Variants in ECE1 observed in about 807,000 individuals in gnomAD.
The protein encoded by ECE1 is endothelin converting enzyme 1.
A neutral mutation model predicts 98.6 loss-of-function variants in ECE1; 35 were observed. The observed-to-expected ratio is 0.35, with a 90% CI of 0.27 to 0.47. ECE1 has a LOEUF of 0.47. Among genes scored for constraint, ECE1 ranks in the 20% least tolerant of loss-of-function variants. The probability of loss-of-function intolerance (pLI) is 1.00; values close to 1 mark genes in which losing one functional copy is unlikely to be tolerated. For missense variants in ECE1, 814 were observed against 1,025.3 expected, an observed-to-expected ratio of 0.79 and a Z score of 2.81; for synonymous variants, 394 against 407.1, an observed-to-expected ratio of 0.97 and a Z score of 0.39.
intron 7 of ECE1, among the ~76,000 whole-genome samples, chr1:21,256,480 C>T (rs187471765): frequency 6.6e-6 from 1 of 152,180 alleles, no homozygotes; most frequent in Admixed American, 6.5e-5. Context: ...CACTTGAACC[C>T]AGGAGGAGGA....
chr1:21,323,556 C>G (rs530887677), intron 1 of ECE1, among the ~76,000 whole-genome samples: 1 of 151,816 alleles, frequency 6.6e-6, no homozygotes, highest in Admixed American at 6.6e-5. Context: ...CCTGGGAGTT[C>G]GAGACTGCAA....
rs212527 is a variant in ECE1, at chr1:21,258,521, C to T, written c.762+172G>A. Reference sequence around the variant, plus strand: ...GCAGTGCCCATCTACGCAAGGCCAGCAGCCTGCAAAGATCTCACCAGTGGG... The same window carrying T: ...GCAGTGCCCATCTACGCAAGGCCAGTAGCCTGCAAAGATCTCACCAGTGGG... On this transcript the variant is annotated intron_variant, in intron 6 of 18. Transcript: ENST00000374893. This position sits in a 1 kb window ranked among gnomAD's most constrained non-coding sequence, Gnocchi z 4.2. Among the ~76,000 whole-genome samples, 18,150 of 152,188 alleles carry T rather than the reference C, an allele frequency of 0.12. 1,109 individuals carry two copies. The highest frequency in any genetic ancestry group is 0.18 in the South Asian group (855 of 4,824).
chr1:21,278,735 T>C lies in ECE1; in HGVS notation c.280+456A>G, dbSNP rs567341557. Among the ~76,000 whole-genome samples, 6 of 152,328 alleles carry C rather than the reference T, an allele frequency of 3.9e-5. No homozygotes were observed. The South Asian group carries it at 1.0e-3, about 26-fold the overall frequency. On this transcript the variant is annotated intron_variant, in intron 3 of 18. Transcript: ENST00000374893. Reference sequence around the variant, plus strand: ...ACAGAGGGCATTATTGTTATTTTATTGGAACTAGAGATAGCAGACAATGTC... The same window carrying C: ...ACAGAGGGCATTATTGTTATTTTATCGGAACTAGAGATAGCAGACAATGTC...
chr1:21,243,552 C>G (rs2098199348), intron 10 of ECE1, among the ~76,000 whole-genome samples: 1 of 152,158 alleles, frequency 6.6e-6, no homozygotes, highest in South Asian at 2.1e-4. Flanking sequence ...CTATGAAAGT[C>G]CCTTCACCTC....
chr1:21,290,300 G>A lies in ECE1; in HGVS notation c.51+64C>T, dbSNP rs894291536. On this transcript the variant is annotated intron_variant, in intron 1 of 18. Coordinates refer to ENST00000374893, the MANE Select transcript of ECE1 (RefSeq NM_001397.3). This position sits in a 1 kb window ranked among gnomAD's most constrained non-coding sequence, Gnocchi z 7.3. ...CGAGACCGAGACCGGCCCACGGAGC[G>A]GCCCGCGCGGGGAGGGGTCCCGCCC... 1.6e-5 allele frequency: 20 copies of A among 1,241,760 alleles called. No individual in the cohort carries two copies. The Admixed American group carries it at 5.9e-4, about 37-fold the overall frequency. The allele number at this position is 1,241,760 out of a possible 1,614,324, so 76.9% of individuals were successfully genotyped here. A position where few individuals can be genotyped will look rare whatever the true frequency, so the allele number is the denominator to read the frequency against.
At chr1:21,293,515 C>T (rs1638263172), upstream of ECE1, 1 of 152,052 alleles carries the variant, frequency 6.6e-6, no homozygotes, top group Admixed American at 6.6e-5. Flanking sequence ...CGGAAGCCAC[C>T]CCAGGGACTC....
chr1:21,260,334 C>T lies in ECE1; in HGVS notation c.552G>A (p.Ala184=), dbSNP rs1035873593. 7.4e-6 allele frequency: 12 copies of T among 1,614,138 alleles called. No homozygotes were observed. The highest frequency in any genetic ancestry group is 5.0e-5 in the Admixed American group (3 of 60,014). The change falls in exon 5 of 19, where the codon GCG becomes GCA. Residue 184 remains alanine (A), a synonymous_variant. Coordinates refer to ENST00000374893, the MANE Select transcript of ECE1 (RefSeq NM_001397.3). The surrounding 1 kb of genome is among the most constrained non-coding windows in gnomAD (Gnocchi z 4.3). The part of the protein sequence containing the change: ...AERKAQVYYR[A]CMNETRIEEL... ...CCTCGATCCTGGTCTCGTTCATGCA[C>T]GCACGGTAGTATACTTGCGCCTTTC... is the stretch of plus-strand genomic sequence containing the variant.
At position 21,327,834 on chromosome 1, in the gene ECE1, C is replaced by T. The variant is rs867115332; in HGVS notation, c.3+17542G>A. ...GACATTACCGCCTGAGCTCTGCCTT[C>T]GGTCAGATCAGCGGTGGCATTAGAT... On this transcript the variant is annotated intron_variant, in intron 1 of 18. Transcript: ENST00000415912. This position sits in a 1 kb window ranked among gnomAD's most constrained non-coding sequence, Gnocchi z 4.6. Among the ~76,000 whole-genome samples the T allele has an allele frequency of 6.6e-5, 10 of 152,212 alleles. No homozygotes were observed. The highest frequency in any genetic ancestry group is 1.9e-4 in the East Asian group (1 of 5,180).
chr1:21,302,022 G>C (rs1034522915), intron 1 of ECE1, among the ~76,000 whole-genome samples: 1 of 152,044 alleles, frequency 6.6e-6, no homozygotes, highest in African/African-American at 2.4e-5. Context: ...GGCTCACTAG[G>C]CTCCCCTGAT....
chr1:21,336,704 G>A (rs779730434), intron 1 of ECE1, among the ~76,000 whole-genome samples: 7 of 152,144 alleles, frequency 4.6e-5, no homozygotes, highest in Non-Finnish European at 1.0e-4. Flanking sequence ...TTAGCCAAGC[G>A]TGGTGGCGGG....
Position 21,313,361 on chromosome 1 carries a change from G to C in ECE1, c.4-23205C>G, listed in dbSNP as rs183954186. Among the ~76,000 whole-genome samples the C allele has an allele frequency of 1.4e-4, 22 of 152,318 alleles. No individual in the cohort carries two copies. The East Asian group carries it at 4.0e-3, about 28-fold the overall frequency. ...AAGACACATGTGTCATGCTTGCCTG[G>C]GGGGATGGAGGGAGCCCGGGAGGAA... On this transcript the variant is annotated intron_variant, in intron 1 of 18. Transcript: ENST00000415912.
intron 1 of ECE1, among the ~76,000 whole-genome samples, chr1:21,301,914 G>A (rs759367731): frequency 2.0e-5 from 3 of 149,878 alleles, no homozygotes; most frequent in Non-Finnish European, 4.4e-5. Context: ...CCACAACCCT[G>A]TGTGGTAGGT....
At chr1:21,256,179 C>T (rs554626274) in intron 7 of ECE1, 41 bp from the exon 8 acceptor site, 16 of 1,570,202 alleles carry the variant, frequency 1.0e-5, no homozygotes, top group South Asian at 3.5e-5. Flanking sequence ...GCTGCCCCCC[C>T]ACTATCCACT....
chr1:21,257,295 T>C (rs1485538643), intron 7 of ECE1, among the ~76,000 whole-genome samples: 1 of 152,198 alleles, frequency 6.6e-6, no homozygotes, highest in Non-Finnish European at 1.5e-5. Context: ...TGCCTCTCTC[T>C]AGAACCAGGA....
Position 21,260,186 on chromosome 1 carries a change from T to C in ECE1, c.615+85A>G. The C allele has an allele frequency of 6.3e-7, 1 of 1,595,038 alleles. No homozygotes were observed. The highest frequency in any genetic ancestry group is 8.6e-7 in the Non-Finnish European group (1 of 1,163,504). On this transcript the variant is annotated intron_variant, in intron 5 of 18. Transcript: ENST00000374893. This position sits in a 1 kb window ranked among gnomAD's most constrained non-coding sequence, Gnocchi z 4.3. ...CGGCTGGACGTATGAGGTGGGCCAG[T>C]GGTACCAGAAGGCTGGAGTGGAAGC...
chr1:21,338,388 T>C (rs1389203922), intron 1 of ECE1, among the ~76,000 whole-genome samples: 1 of 152,206 alleles, frequency 6.6e-6, no homozygotes, highest in African/African-American at 2.4e-5. Flanking sequence ...TGCCAAGTGC[T>C]ACAAACATAG....
intron 1 of ECE1, among the ~76,000 whole-genome samples, chr1:21,341,156 C>T (rs181694769): frequency 6.6e-6 from 1 of 152,318 alleles, no homozygotes; most frequent in Admixed American, 6.5e-5. Flanking sequence ...CCCACAGCCC[C>T]CCGCGTGTCT....
chr1:21,258,757 G>T lies in ECE1; in HGVS notation c.698C>A (p.Thr233Asn). Residue 233 changes from threonine (T) to asparagine (N), a missense_variant, in exon 6 of 19, where the codon ACC becomes AAC. Physicochemically the swap from Thr to Asn is moderately conservative, Grantham distance 65 (BLOSUM62 0). Transcript: ENST00000374893. The surrounding 1 kb of genome is among the most constrained non-coding windows in gnomAD (Gnocchi z 4.2). ...TLQVVTAHYR[T>N]SPFFSVYVSA... ...GACATAGACAGAGAAGAAGGGTGAG[G>T]TGCGGTAGTGGGCGGTGACCACCTG... 3 of 1,614,228 alleles carry T rather than the reference G, an allele frequency of 1.9e-6. No homozygotes were observed. The highest frequency in any genetic ancestry group is 2.5e-6 in the Non-Finnish European group (3 of 1,180,036).
Position 21,307,374 on chromosome 1 carries a change from C to T in ECE1, c.4-17218G>A, listed in dbSNP as rs1210634779. On this transcript the variant is annotated intron_variant, in intron 1 of 18. Transcript: ENST00000415912. This position sits in a 1 kb window ranked among gnomAD's most constrained non-coding sequence, Gnocchi z 4.2. The stretch of plus-strand genomic sequence containing the variant: ...ATGTTGAGCGAGTCATGTCACCTCT[C>T]GGAGCCTCAATTTCCTCCCTCTGCA... Among the ~76,000 whole-genome samples the T allele has an allele frequency of 2.6e-5, 4 of 152,176 alleles. No individual in the cohort carries two copies. Among genetic ancestry groups the T allele is most frequent in the South Asian group, 2.1e-4 (1 of 4,832 alleles).
Sources: allele counts gnomAD v4.1 joint callset (sites outside exome capture counted in the v4.1 genomes callset), GRCh38; gene constraint gnomAD v4.1.1; non-coding constraint Gnocchi (gnomAD v3.1); transcripts MANE v1.5; gene names NCBI Gene and HGNC (gene_info 2026-07-23, HGNC 2026-07-21).